Variants in LOC128092253 observed in about 807,000 individuals in gnomAD.
chr6:133,961,909 T>C, the LOC128092253 span, among the ~76,000 whole-genome samples: 1 of 152,190 alleles, frequency 6.6e-6, no homozygotes, highest in Non-Finnish European at 1.5e-5. Flanking sequence ...GTCTTTTTCT[T>C]CCACTGAAAT....
chr6:133,957,405 A>G, the LOC128092253 span, among the ~76,000 whole-genome samples: 1 of 152,346 alleles, frequency 6.6e-6, no homozygotes, highest in East Asian at 1.9e-4. Context: ...CACAAGATAG[A>G]CATCTGTGTG....
At chr6:133,955,641 G>C in the LOC128092253 span, among the ~76,000 whole-genome samples, 2 of 152,054 alleles carry the variant, frequency 1.3e-5, no homozygotes, top group African/African-American at 2.4e-5. Context: ...TTAAAATAAG[G>C]TATATTAAAA....
At chr6:133,968,269 A>C in the LOC128092253 span, among the ~76,000 whole-genome samples, 1 of 152,212 alleles carries the variant, frequency 6.6e-6, no homozygotes, top group African/African-American at 2.4e-5. Flanking sequence ...TTATATAATC[A>C]GAAAATGACA....
At chr6:133,968,692 G>A in the LOC128092253 span, among the ~76,000 whole-genome samples, 3 of 152,082 alleles carry the variant, frequency 2.0e-5, no homozygotes, top group Non-Finnish European at 2.9e-5. Context: ...TGTTTCTTTT[G>A]AGATGGAGTC....
the LOC128092253 span, among the ~76,000 whole-genome samples, chr6:133,972,786 A>G: frequency 6.6e-6 from 1 of 152,172 alleles, no homozygotes; most frequent in East Asian, 1.9e-4. Context: ...CTATTGGTGA[A>G]TCCATCTGTC....
chr6:133,957,320 A>T, the LOC128092253 span, among the ~76,000 whole-genome samples: 2 of 152,364 alleles, frequency 1.3e-5, no homozygotes, highest in Middle Eastern at 3.4e-3. Context: ...AAAAATACTG[A>T]AAACCAGACG....
chr6:133,961,268 T>G, the LOC128092253 span, among the ~76,000 whole-genome samples: 1 of 152,100 alleles, frequency 6.6e-6, no homozygotes, highest in Non-Finnish European at 1.5e-5. Flanking sequence ...TGCCAGCAAT[T>G]CAGCCAAGTT....
chr6:133,957,670 C>T, the LOC128092253 span, among the ~76,000 whole-genome samples: 1 of 152,188 alleles, frequency 6.6e-6, no homozygotes, highest in Admixed American at 6.5e-5. Flanking sequence ...TGCAGGCAGC[C>T]TGTGTTCAGC....
chr6:133,962,844 A>G, the LOC128092253 span, among the ~76,000 whole-genome samples: 3 of 152,176 alleles, frequency 2.0e-5, no homozygotes, highest in Non-Finnish European at 2.9e-5. Context: ...TGTGGAACCT[A>G]TTGTTGAGCT....
the LOC128092253 span, among the ~76,000 whole-genome samples, chr6:133,959,563 C>T: frequency 6.6e-6 from 1 of 152,254 alleles, no homozygotes; most frequent in South Asian, 2.1e-4. Context: ...CTCACTGCAA[C>T]CTCCATCTTC....
the LOC128092253 span, among the ~76,000 whole-genome samples, chr6:133,979,696 G>A: frequency 6.6e-6 from 1 of 152,152 alleles, no homozygotes; most frequent in African/African-American, 2.4e-5. Context: ...TCACAGGCTG[G>A]AATGCAGTGG....
At chr6:133,971,398 A>G in the LOC128092253 span, among the ~76,000 whole-genome samples, 1 of 152,230 alleles carries the variant, frequency 6.6e-6, no homozygotes, top group Admixed American at 6.5e-5. Flanking sequence ...TCTCTTCAAC[A>G]TCCTGATTTC....
At chr6:133,962,973 G>T in the LOC128092253 span, among the ~76,000 whole-genome samples, 1 of 152,208 alleles carries the variant, frequency 6.6e-6, no homozygotes, top group East Asian at 1.9e-4. Flanking sequence ...ATAGGACATG[G>T]CAAGGGAGCA....
At chr6:133,968,528 G>A in the LOC128092253 span, among the ~76,000 whole-genome samples, 6 of 152,232 alleles carry the variant, frequency 3.9e-5, no homozygotes, top group Admixed American at 6.5e-5. Context: ...ATCAAAATTT[G>A]TGAGTTTTTT....
At chr6:133,967,516 C>G in the LOC128092253 span, among the ~76,000 whole-genome samples, 1 of 152,116 alleles carries the variant, frequency 6.6e-6, no homozygotes, top group Non-Finnish European at 1.5e-5. Flanking sequence ...TTTGTCATCA[C>G]GTGAACATCA....
At chr6:133,969,760 C>T in the LOC128092253 span, among the ~76,000 whole-genome samples, 1 of 152,194 alleles carries the variant, frequency 6.6e-6, no homozygotes, top group African/African-American at 2.4e-5. Context: ...GACCTTAGTG[C>T]ATCTAACTCT....
the LOC128092253 span, among the ~76,000 whole-genome samples, chr6:133,964,421 TTTTTG>T: frequency 6.6e-6 from 1 of 152,080 alleles, no homozygotes; most frequent in East Asian, 1.9e-4. Context: ...CTGTTTGTTT[TTTTTG>T]TTTTGTTTTG....
the LOC128092253 span, among the ~76,000 whole-genome samples, chr6:133,960,503 G>T: frequency 6.6e-6 from 1 of 150,588 alleles, no homozygotes; most frequent in East Asian, 1.9e-4. Flanking sequence ...ACTTCAGTGC[G>T]CAGTACAAAA....
chr6:133,979,227 G>A, the LOC128092253 span, among the ~76,000 whole-genome samples: 2,999 of 152,248 alleles, frequency 0.02, 37 homozygotes, highest in African/African-American at 0.034. Flanking sequence ...CAGTGTATAG[G>A]TGTTCAGAAA....
Sources: gnomAD v4.1 joint callset for allele counts (sites outside exome capture counted in the v4.1 genomes callset) on GRCh38, gnomAD v4.1.1 for gene constraint, MANE v1.5 for transcripts.